TLCD3B: variants seen among roughly 807,000 people sequenced by gnomAD.
The protein encoded by TLCD3B is ceramide synthase.
TLCD3B carries 9 observed loss-of-function variants against 23.0 expected under a neutral mutation model. The ratio of observed to expected loss-of-function variants is 0.39; its 90% CI spans 0.24 to 0.68. TLCD3B has a LOEUF of 0.68. TLCD3B is among the 30% of genes least tolerant of loss of function. The probability of loss-of-function intolerance (pLI) is 0.44; values close to 1 mark genes in which losing one functional copy is unlikely to be tolerated. For synonymous variants in TLCD3B, 161 were observed against 161.0 expected (o/e 1.00, Z 0.00); for missense variants, 307 against 371.8 (o/e 0.83, Z 1.43).
upstream of TLCD3B, chr16:30,036,160 A>G: frequency 7.8e-7 from 1 of 1,287,602 alleles, no homozygotes; most frequent in Non-Finnish European, 1.0e-6. Flanking sequence ...CTCACCTCAG[A>G]GGGACAGGTT....
chr16:30,043,578 T>C (rs1436413364), intron 2 of TLCD3B, among the ~76,000 whole-genome samples: 3 of 151,950 alleles, frequency 2.0e-5, no homozygotes, highest in Non-Finnish European at 1.5e-5. Context: ...ACAGAGAGGT[T>C]GTGTGGCTTG....
At chr16:30,050,211 C>A (rs1334223793) in intron 1 of TLCD3B, among the ~76,000 whole-genome samples, 2 of 152,090 alleles carry the variant, frequency 1.3e-5, no homozygotes, top group Non-Finnish European at 2.9e-5. Flanking sequence ...TGAGAACTGG[C>A]CTCAACTTGG....
chr16:30,049,658 T>C (rs1212180710), intron 1 of TLCD3B, among the ~76,000 whole-genome samples: 1 of 152,194 alleles, frequency 6.6e-6, no homozygotes, highest in Non-Finnish European at 1.5e-5. Flanking sequence ...CCAGGCGCAG[T>C]AGCTCACATC....
Position 30,036,522 on chromosome 16 carries a change from T to C in TLCD3B, c.-66-308A>G. ...GGACCTTCTCGGGATAAAAGGAAGG[T>C]GTCAAACTGCAAAGGCACGAGGCTG... On this transcript the variant is annotated intron_variant, in intron 3 of 6. Coordinates refer to the TLCD3B transcript ENST00000561666. 5 of 848,706 alleles carry C rather than the reference T, an allele frequency of 5.9e-6. No individual in the cohort carries two copies. In the South Asian group the frequency reaches 8.8e-5, roughly 15 times the overall value. The allele number at this position is 848,706 out of a possible 1,614,324, so 52.6% of individuals were successfully genotyped here. A position where few individuals can be genotyped will look rare whatever the true frequency, so the allele number is the denominator to read the frequency against.
chr16:30,050,148 GT>G (rs1358515959), intron 1 of TLCD3B, among the ~76,000 whole-genome samples: 6 of 152,324 alleles, frequency 3.9e-5, no homozygotes, highest in Non-Finnish European at 7.3e-5. Flanking sequence ...AAGTCTCTCT[GT>G]TGGCAGAATA....
chr16:30,036,374 A>G (rs1450718282), intron 3 of TLCD3B: 1 of 1,287,204 alleles, frequency 7.8e-7, no homozygotes, highest in African/African-American at 1.5e-5. Flanking sequence ...TTACATAGAT[A>G]TCATTTTTGT....
rs1346643438 is a variant in TLCD3B at position 30,025,507 on chromosome 16, G to C, written c.541-40C>G. On this transcript the variant is annotated intron_variant, in intron 4 of 4. Transcript: ENST00000380495. The surrounding 1 kb of genome is among the most constrained non-coding windows in gnomAD (Gnocchi z 4.1). ...ACACAGTGGCCACGGCAGCAGAAGG[G>C]CTCGGCCCCCCTTGGCCCTCTCCCT... The C allele has an allele frequency of 6.2e-7, 1 of 1,605,840 alleles. No individual in the cohort carries two copies. Among genetic ancestry groups the C allele is most frequent in the Non-Finnish European group, 8.5e-7 (1 of 1,176,578 alleles).
At chr16:30,045,935 C>G (rs980934298) in intron 2 of TLCD3B, among the ~76,000 whole-genome samples, 3 of 151,920 alleles carry the variant, frequency 2.0e-5, no homozygotes, top group African/African-American at 7.3e-5. Context: ...ACAGTGAGAC[C>G]TCCTCTCTAC....
rs1444335424 is a variant in TLCD3B, at chr16:30,030,860, T to G, written c.-333A>C. The G allele has an allele frequency of 1.2e-5, 7 of 608,206 alleles. No homozygotes were observed. The highest frequency in any genetic ancestry group is 8.0e-5 in the South Asian group (1 of 12,542). The allele number at this position is 608,206 out of a possible 1,614,324, so 37.7% of individuals were successfully genotyped here. ...GGGGACAGGAGGAGGAGGATGCGGA[T>G]GGGGGAGGGGAGGGAGCCACCAGGC... is the stretch of plus-strand genomic sequence containing the variant. On this transcript the variant is annotated 5_prime_UTR_variant, in exon 1 of 5. Coordinates refer to ENST00000380495, the MANE Select transcript of TLCD3B (RefSeq NM_031478.6).
Position 30,028,639 on chromosome 16 carries a change from T to C in TLCD3B, c.209+793A>G, listed in dbSNP as rs1385056965. Among the ~76,000 whole-genome samples, 3 of 152,238 alleles carry C rather than the reference T, an allele frequency of 2.0e-5. No individual in the cohort carries two copies. In the East Asian group the frequency reaches 5.8e-4, roughly 29 times the overall value. The stretch of plus-strand genomic sequence containing the variant: ...GCCTCACCACAGAAGAGGCAACTCA[T>C]CTTCGGGAAAAGAGGAGGCAAACAG... On this transcript the variant is annotated intron_variant, in intron 2 of 4. Transcript: ENST00000380495.
At position 30,048,811 on chromosome 16, in the gene TLCD3B, C is replaced by T. The variant is rs569051048; in HGVS notation, c.-293-2424G>A. 5.9e-5 allele frequency among the ~76,000 whole-genome samples: 9 copies of T among 152,078 alleles called. No individual in the cohort carries two copies. In the South Asian group the frequency reaches 1.9e-3, roughly 32 times the overall value. On this transcript the variant is annotated intron_variant, in intron 1 of 6. Coordinates refer to the TLCD3B transcript ENST00000561666. ...TTGGGGGCGGAGTCTCTGTCTGTCACCCAGGCTGGAGTGCAGTGGTGCGAT... is the reference window on the plus strand; with the variant it reads ...TTGGGGGCGGAGTCTCTGTCTGTCATCCAGGCTGGAGTGCAGTGGTGCGAT...
chr16:30,036,504 C>T (rs2071477122), intron 3 of TLCD3B: 2 of 1,041,096 alleles, frequency 1.9e-6, no homozygotes, highest in South Asian at 3.3e-5. Flanking sequence ...AAGGGACCTT[C>T]TCGGGATAAA....
At chr16:30,044,353 G>C (rs2071623959) in intron 2 of TLCD3B, among the ~76,000 whole-genome samples, 1 of 151,544 alleles carries the variant, frequency 6.6e-6, no homozygotes, top group South Asian at 2.1e-4. Context: ...TGTTGCCCAG[G>C]CTGGAGGGCA....
In TLCD3B at chr16:30,030,154, A is replaced by C. The variant is rs566718892; in HGVS notation, c.125+249T>G. 1.3e-4 allele frequency: 194 copies of C among 1,469,734 alleles called. 1 individual carries two copies. The South Asian group carries it at 2.2e-3, about 17-fold the overall frequency. The allele number at this position is 1,469,734 out of a possible 1,614,324, so 91.0% of individuals were successfully genotyped here. On this transcript the variant is annotated intron_variant, in intron 1 of 4. Coordinates refer to ENST00000380495, the MANE Select transcript of TLCD3B (RefSeq NM_031478.6). ...TGCTGGCCCTGTTTTGGAGGGTGGG[A>C]GGGTGTACGGGGAAGAAGAGAGAGG...
intron 3 of TLCD3B, among the ~76,000 whole-genome samples, chr16:30,038,741 G>C (rs925343971): frequency 1.3e-5 from 2 of 149,846 alleles, no homozygotes; most frequent in Admixed American, 1.3e-4. Context: ...CTGGGCGACA[G>C]AGCGAGACTC....
chr16:30,048,244 T>C (rs2071702963), intron 1 of TLCD3B, among the ~76,000 whole-genome samples: 1 of 150,900 alleles, frequency 6.6e-6, no homozygotes, highest in African/African-American at 2.4e-5. Flanking sequence ...GGACCATAAA[T>C]ACACATGAAA....
In TLCD3B at chr16:30,025,514, C is replaced by T; in HGVS notation, c.541-47G>A. 6.2e-7 allele frequency: 1 copy of T among 1,602,794 alleles called. No homozygotes were observed. The highest frequency in any genetic ancestry group is 8.5e-7 in the Non-Finnish European group (1 of 1,174,764). ...GGCCACGGCAGCAGAAGGGCTCGGC[C>T]CCCCTTGGCCCTCTCCCTGCCTCCC... On this transcript the variant is annotated intron_variant, in intron 4 of 4. Transcript: ENST00000380495. The surrounding 1 kb of genome is among the most constrained non-coding windows in gnomAD (Gnocchi z 4.1).
intron 2 of TLCD3B, among the ~76,000 whole-genome samples, chr16:30,041,617 G>A (rs1337312289): frequency 6.6e-6 from 1 of 151,334 alleles, no homozygotes; most frequent in African/African-American, 2.4e-5. Flanking sequence ...AGCTACTTGG[G>A]AGGCTGAGGC....
At chr16:30,041,224 G>C (rs1340752052) in intron 2 of TLCD3B, 2 of 152,054 alleles carry the variant, frequency 1.3e-5, no homozygotes, top group Non-Finnish European at 2.9e-5. Flanking sequence ...TTTTAATAGT[G>C]ACCCACAAGA....
Sources: allele counts gnomAD v4.1 joint callset (sites outside exome capture counted in the v4.1 genomes callset), GRCh38; gene constraint gnomAD v4.1.1; non-coding constraint Gnocchi (gnomAD v3.1); transcripts MANE v1.5; gene names NCBI Gene and HGNC (gene_info 2026-07-23, HGNC 2026-07-21).